FAAH: variants seen among roughly 807,000 people sequenced by gnomAD.
FAAH encodes the protein fatty acid amide hydrolase.
FAAH carries 63 observed loss-of-function variants against 69.7 expected under a neutral mutation model. That is an observed-to-expected ratio of 0.90 (90% CI 0.74 to 1.12). The LOEUF is 1.12. Ranked by LOEUF, FAAH falls within the 50% of genes most tolerant of loss-of-function variation. FAAH has a pLI of 0.00. For missense variants in FAAH, 680 were observed against 755.0 expected (o/e 0.90, Z 1.16); for synonymous variants, 305 against 324.2 (o/e 0.94, Z 0.64).
rs551204617 is a variant in FAAH at position 46,398,707 on chromosome 1, G to C, written c.196-3384G>C. On this transcript the variant is annotated intron_variant, in intron 1 of 14. Coordinates refer to ENST00000243167, the MANE Select transcript of FAAH (RefSeq NM_001441.3). ...CTGCCACCACATCCAGCTAATTTTT[G>C]CATTTTTGGTAGAGACAGGGTTTCG... Among the ~76,000 whole-genome samples, 14 of 151,996 alleles carry C rather than the reference G, an allele frequency of 9.2e-5. No individual in the cohort carries two copies. The East Asian group carries it at 2.5e-3, about 27-fold the overall frequency.
intron 1 of FAAH, among the ~76,000 whole-genome samples, chr1:46,397,201 T>C (rs1047413997): frequency 2.3e-4 from 35 of 152,250 alleles, no homozygotes; most frequent in African/African-American, 8.2e-4. Flanking sequence ...TGGGCAGCAC[T>C]AGCAGGGATC....
intron 7 of FAAH, among the ~76,000 whole-genome samples, chr1:46,406,611 A>G (rs140520676): frequency 8.5e-6 from 1 of 117,868 alleles, no homozygotes; most frequent in Non-Finnish European, 1.6e-5. Context: ...GAGACTGAGT[A>G]TCGCTCTGTC....
chr1:46,412,295 T>G, intron 13 of FAAH, 44 bp downstream of exon 13: 48 of 1,416,308 alleles, frequency 3.4e-5, no homozygotes, highest in Non-Finnish European at 4.2e-5. Flanking sequence ...AATCTGGCCA[T>G]GTGCCCTGCA....
intron 2 of FAAH, among the ~76,000 whole-genome samples, chr1:46,403,020 G>C (rs1334309550): frequency 6.6e-6 from 1 of 151,984 alleles, no homozygotes; most frequent in Non-Finnish European, 1.5e-5. Context: ...ATTTAGTAGA[G>C]ACGGGGTTTC....
chr1:46,411,563 C>T lies in FAAH; in HGVS notation c.1317-49C>T, dbSNP rs1664913500. 1.2e-6 allele frequency: 2 copies of T among 1,608,764 alleles called. No individual in the cohort carries two copies. The highest frequency in any genetic ancestry group is 8.5e-7 in the Non-Finnish European group (1 of 1,176,130). Reference sequence around the variant, plus strand: ...GCAGTAGGGGTCTGATGTTGCTGATCTCCGTGGCTGTGACCATCATGGCTG... The same window carrying T: ...GCAGTAGGGGTCTGATGTTGCTGATTTCCGTGGCTGTGACCATCATGGCTG... On this transcript the variant is annotated intron_variant, in intron 11 of 14. Coordinates refer to ENST00000243167, the MANE Select transcript of FAAH (RefSeq NM_001441.3). This position sits in a 1 kb window ranked among gnomAD's most constrained non-coding sequence, Gnocchi z 4.8.
rs141269245 is a variant in FAAH, at chr1:46,402,194, A to T, written c.299A>T (p.Tyr100Phe). The T allele has an allele frequency of 1.4e-5, 22 of 1,602,746 alleles. No homozygotes were observed. The highest frequency in any genetic ancestry group is 2.2e-5 in the East Asian group (1 of 44,472). The change falls in exon 2 of 15, where the codon TAT becomes TTT. Residue 100 changes from tyrosine to phenylalanine, a missense_variant. Physicochemically the swap from Tyr to Phe is conservative, Grantham distance 22. Transcript: ENST00000243167. ...GCCCCTGAGGCCGTGCTCTTCACCT[A>T]TGTGGGAAAGGTAAGGCCAGCCAAG... ...ELAPEAVLFT[Y>F]VGKAWEVNKG...
At position 46,404,306 on chromosome 1, in the gene FAAH, C is replaced by G. The variant is rs1019604940; in HGVS notation, c.310-708C>G. On this transcript the variant is annotated intron_variant, in intron 2 of 14. Coordinates refer to ENST00000243167, the MANE Select transcript of FAAH (RefSeq NM_001441.3). This position sits in a 1 kb window ranked among gnomAD's most constrained non-coding sequence, Gnocchi z 4.5. ...TGGCAACACAGCCCACCCTGTTTCCCCCAGATACTCCCCAGGAGCAGGAAT... is the reference window on the plus strand; with the variant it reads ...TGGCAACACAGCCCACCCTGTTTCCGCCAGATACTCCCCAGGAGCAGGAAT... Among the ~76,000 whole-genome samples, 1 of 152,240 alleles carries G rather than the reference C, an allele frequency of 6.6e-6. No individual in the cohort carries two copies. The highest frequency in any genetic ancestry group is 2.4e-5 in the African/African-American group (1 of 41,458).
At chr1:46,409,652 C>G (rs1231926268) in intron 9 of FAAH, among the ~76,000 whole-genome samples, 1 of 152,120 alleles carries the variant, frequency 6.6e-6, no homozygotes, top group Non-Finnish European at 1.5e-5. Flanking sequence ...AGGGACTTTG[C>G]AGAGCTCATT....
In FAAH at chr1:46,413,221, G is replaced by T; in HGVS notation, c.1611+1G>T. On this transcript the variant is annotated splice_donor_variant, in intron 14 of 14. Transcript: ENST00000243167. LOFTEE classifies it high-confidence loss of function. ...TATCTGGGACAAGATGCTGCAGAAG[G>T]TGAGGACTGACCTGCCCCTCAACTG... The T allele has an allele frequency of 6.2e-7, 1 of 1,614,148 alleles. No individual in the cohort carries two copies. Among genetic ancestry groups the T allele is most frequent in the Non-Finnish European group, 8.5e-7 (1 of 1,180,016 alleles).
Position 46,405,628 on chromosome 1 carries a change from C to G in FAAH, c.619C>G (p.Pro207Ala). ...CCCCCTCTTTGGCCAGACCGTGAAC[C>G]CATGGAAGTCCTCCAAAAGCCCAGG... is the stretch of plus-strand genomic sequence containing the variant. Reference protein sequence around the residue: ...SNPLFGQTVNPWKSSKSPGGS... With the variant: ...SNPLFGQTVNAWKSSKSPGGS... Residue 207 changes from proline to alanine, a missense_variant, in exon 5 of 15, where the codon CCA (proline) becomes GCA (alanine). Pro to Ala is a conservative substitution (Grantham distance 27). Coordinates refer to ENST00000243167, the MANE Select transcript of FAAH (RefSeq NM_001441.3). This position sits in a 1 kb window ranked among gnomAD's most constrained non-coding sequence, Gnocchi z 4.1. The G allele has an allele frequency of 4.3e-6, 7 of 1,613,544 alleles. No individual in the cohort carries two copies. Among genetic ancestry groups the G allele is most frequent in the Non-Finnish European group, 4.2e-6 (5 of 1,180,044 alleles).
chr1:46,407,001 C>T (rs954308215), intron 7 of FAAH, among the ~76,000 whole-genome samples: 1 of 152,036 alleles, frequency 6.6e-6, no homozygotes, highest in African/African-American at 2.4e-5. Context: ...CAAACAGCAG[C>T]CTTTCTAACA....
In FAAH at chr1:46,405,464, C is replaced by G; in HGVS notation, c.537C>G (p.Ala179=). The change falls in exon 4 of 15, where the codon GCC becomes GCG. Residue 179 remains alanine (A), a synonymous_variant. Coordinates refer to ENST00000243167, the MANE Select transcript of FAAH (RefSeq NM_001441.3). This position sits in a 1 kb window ranked among gnomAD's most constrained non-coding sequence, Gnocchi z 4.1. ...TGCATGTGCTGAAGCTGCAGGGTGC[C>G]GTGCCCTTCGTGCACACCAATGTTC... ...VVVHVLKLQG[A]VPFVHTNVPQ... 7.1e-7 allele frequency: 1 copy of G among 1,418,348 alleles called. No homozygotes were observed. Among genetic ancestry groups the G allele is most frequent in the Non-Finnish European group, 9.4e-7 (1 of 1,059,214 alleles). The allele number at this position is 1,418,348 out of a possible 1,614,324, so 87.9% of individuals were successfully genotyped here. A position where few individuals can be genotyped will look rare whatever the true frequency, so the allele number is the denominator to read the frequency against.
rs553797768 is a variant in FAAH at position 46,410,661 on chromosome 1, C to A, written c.1276-153C>A. 6.6e-6 allele frequency among the ~76,000 whole-genome samples: 1 copy of A among 152,162 alleles called. No homozygotes were observed. The highest frequency in any genetic ancestry group is 2.1e-4 in the South Asian group (1 of 4,820). On this transcript the variant is annotated intron_variant, in intron 10 of 14. Transcript: ENST00000243167. This position sits in a 1 kb window ranked among gnomAD's most constrained non-coding sequence, Gnocchi z 4.9. The stretch of plus-strand genomic sequence containing the variant: ...GACTGCTCTCCTCCTCTGTCCCCTG[C>A]GATCTTCAGCCAACCCGCATGCTGA...
rs545858128 is a variant in FAAH at position 46,411,097 on chromosome 1, G to A, written c.1316+243G>A. Among the ~76,000 whole-genome samples, 3 of 152,302 alleles carry A rather than the reference G, an allele frequency of 2.0e-5. No homozygotes were observed. The East Asian group carries it at 5.8e-4, about 29-fold the overall frequency. On this transcript the variant is annotated intron_variant, in intron 11 of 14. Coordinates refer to ENST00000243167, the MANE Select transcript of FAAH (RefSeq NM_001441.3). This position sits in a 1 kb window ranked among gnomAD's most constrained non-coding sequence, Gnocchi z 4.8. ...AGGATGGGGGAGTTGGAGGGGAGGA[G>A]GTTGACCTGGCTGGGGCATGAGTGG...
chr1:46,407,140 A>C (rs1281218957), intron 7 of FAAH, among the ~76,000 whole-genome samples: 1 of 151,924 alleles, frequency 6.6e-6, no homozygotes, highest in Admixed American at 6.6e-5. Flanking sequence ...GCTGCTCCCC[A>C]AAATACCACC....
rs1329599378 is a variant in FAAH at position 46,406,401 on chromosome 1, C to T, written c.951+33C>T. 3.1e-6 allele frequency: 5 copies of T among 1,613,408 alleles called. No individual in the cohort carries two copies. In the Admixed American group the frequency reaches 5.0e-5, roughly 16 times the overall value. On this transcript the variant is annotated intron_variant, in intron 7 of 14. Coordinates refer to ENST00000243167, the MANE Select transcript of FAAH (RefSeq NM_001441.3). The stretch of plus-strand genomic sequence containing the variant: ...GGGCTGGGTGGGCATGAATGTGGAC[C>T]GCTGAACCCAGACAGCCACCCCAGG...
At position 46,394,427 on chromosome 1, in the gene FAAH, G is replaced by A. The variant is rs1422537000; in HGVS notation, c.79G>A (p.Val27Met). 8 of 1,463,460 alleles carry A rather than the reference G, an allele frequency of 5.5e-6. No homozygotes were observed. The South Asian group carries it at 1.1e-4, about 20-fold the overall frequency. 90.7% of individuals were successfully genotyped at this position (1,463,460 alleles called of 1,614,324 possible). A position where few individuals can be genotyped will look rare whatever the true frequency, so the allele number is the denominator to read the frequency against. The change falls in exon 1 of 15, where the codon GTG becomes ATG. Residue 27 changes from valine (V) to methionine (M), a missense_variant. By Grantham distance (21) the Val-to-Met change is conservative. Transcript: ENST00000243167. ...ALACCFVAAA[V>M]ALRWSGRRTA... ...GGCCTGCTGCTTCGTGGCGGCGGCC[G>A]TGGCCCTGCGCTGGTCCGGGCGCCG...
chr1:46,410,236 A>G lies in FAAH; in HGVS notation c.1176-162A>G, dbSNP rs1664886337. The G allele has an allele frequency of 1.4e-6, 1 of 721,388 alleles. No homozygotes were observed. The highest frequency in any genetic ancestry group is 2.6e-6 in the Non-Finnish European group (1 of 390,916). The allele number at this position is 721,388 out of a possible 1,614,324, so 44.7% of individuals were successfully genotyped here. A position where few individuals can be genotyped will look rare whatever the true frequency, so the allele number is the denominator to read the frequency against. On this transcript the variant is annotated intron_variant, in intron 9 of 14. Transcript: ENST00000243167. This position sits in a 1 kb window ranked among gnomAD's most constrained non-coding sequence, Gnocchi z 4.9. ...GGTTGCAGCCCAGGCATCCCAAAGG[A>G]TCAGCAGAAACAAACGGCATGTTTG...
chr1:46,407,545 G>A (rs1664821453), intron 7 of FAAH, among the ~76,000 whole-genome samples: 2 of 152,074 alleles, frequency 1.3e-5, no homozygotes, highest in African/African-American at 4.8e-5. Flanking sequence ...GGGCATCTGA[G>A]ACCAGTATTT....
Sources: gnomAD v4.1 joint callset for allele counts (sites outside exome capture counted in the v4.1 genomes callset) on GRCh38, gnomAD v4.1.1 for gene constraint, Gnocchi (gnomAD v3.1) non-coding constraint, MANE v1.5 for transcripts, NCBI Gene and HGNC (gene_info 2026-07-23, HGNC 2026-07-21) for gene names.